Variants in PLCB1 observed in about 807,000 individuals in gnomAD.
PLCB1 encodes the protein 1-phosphatidylinositol 4,5-bisphosphate phosphodiesterase beta-1.
PLCB1 carries 46 observed loss-of-function variants against 161.8 expected under a neutral mutation model. The ratio of observed to expected loss-of-function variants is 0.28; its 90% confidence interval spans 0.22 to 0.36. PLCB1 has a LOEUF of 0.36. Among genes scored for constraint, PLCB1 ranks in the 10% least tolerant of loss-of-function variants. PLCB1 has a pLI of 1.00. For missense variants in PLCB1, 1,016 were observed against 1,472.5 expected, an observed-to-expected ratio of 0.69 and a Z score of 5.07; for synonymous variants, 517 against 503.7, an observed-to-expected ratio of 1.03 and a Z score of -0.35.
intron 2 of PLCB1, among the ~76,000 whole-genome samples, chr20:8,273,094 C>T (rs1028247869): frequency 1.3e-5 from 2 of 152,090 alleles, no homozygotes; most frequent in African/African-American, 2.4e-5. Context: ...TAAGAGACAG[C>T]AATAATGAAC....
intron 2 of PLCB1, among the ~76,000 whole-genome samples, chr20:8,292,410 T>A (rs953220881): frequency 2.0e-5 from 3 of 152,160 alleles, no homozygotes; most frequent in African/African-American, 7.2e-5. Flanking sequence ...TCTCAAGAAG[T>A]AGAAGGCCTG....
At chr20:8,622,547 T>G (rs1366471206) in intron 3 of PLCB1, among the ~76,000 whole-genome samples, 2 of 152,150 alleles carry the variant, frequency 1.3e-5, no homozygotes, top group Non-Finnish European at 2.9e-5. Context: ...ACTGAACAGA[T>G]AAATGCTGCA....
At chr20:8,831,952 T>G (rs796159393) in intron 31 of PLCB1, among the ~76,000 whole-genome samples, 11 of 81,856 alleles carry the variant, frequency 1.3e-4, no homozygotes, top group African/African-American at 3.7e-4. Context: ...CTTTCTTTCT[T>G]TCTTTCTTTC....
chr20:8,871,351 C>T (rs751478998), intron 31 of PLCB1, among the ~76,000 whole-genome samples: 17 of 152,116 alleles, frequency 1.1e-4, no homozygotes, highest in Middle Eastern at 3.2e-3. Flanking sequence ...ATTGTATGTC[C>T]AATGGAGGAA....
At chr20:8,605,981 G>T (rs769612495) in intron 3 of PLCB1, among the ~76,000 whole-genome samples, 4 of 152,086 alleles carry the variant, frequency 2.6e-5, no homozygotes, top group Non-Finnish European at 4.4e-5. Flanking sequence ...CACAAGACAT[G>T]ATTTCATTCT....
At chr20:8,375,507 T>C (rs975477243) in intron 3 of PLCB1, among the ~76,000 whole-genome samples, 2 of 152,192 alleles carry the variant, frequency 1.3e-5, no homozygotes, top group African/African-American at 4.8e-5. Context: ...TTTGAAACTT[T>C]TTTCATGTAT....
chr20:8,511,750 A>G (rs575621290), intron 3 of PLCB1, among the ~76,000 whole-genome samples: 1 of 152,204 alleles, frequency 6.6e-6, no homozygotes, highest in Admixed American at 6.5e-5. Flanking sequence ...CTGTTGTTTT[A>G]ATTTTAATTT....
At chr20:8,745,628 T>C (rs1981132192) in intron 23 of PLCB1, among the ~76,000 whole-genome samples, 1 of 151,862 alleles carries the variant, frequency 6.6e-6, no homozygotes, top group African/African-American at 2.4e-5. Context: ...ATAATATATG[T>C]ATAATATTTA....
chr20:8,376,340 T>C lies in PLCB1; in HGVS notation c.246+4890T>C, dbSNP rs546349858. On this transcript the variant is annotated intron_variant, in intron 3 of 31. Transcript: ENST00000338037. ...GGCCGCAATTAAATTCTAGGTTGTA[T>C]GTAGTATCACCAGAATCACATAAGG... is the stretch of plus-strand genomic sequence containing the variant. Among the ~76,000 whole-genome samples, 3 of 152,366 alleles carry C rather than the reference T, an allele frequency of 2.0e-5. No homozygotes were observed. The East Asian group carries it at 5.8e-4, about 29-fold the overall frequency.
intron 2 of PLCB1, among the ~76,000 whole-genome samples, chr20:8,238,448 A>G (rs1980435154): frequency 6.6e-6 from 1 of 151,976 alleles, no homozygotes; most frequent in Non-Finnish European, 1.5e-5. Flanking sequence ...ATCTGAAGTT[A>G]AGCTCCAGGG....
At chr20:8,520,329 A>G (rs1984300667) in intron 3 of PLCB1, among the ~76,000 whole-genome samples, 1 of 152,306 alleles carries the variant, frequency 6.6e-6, no homozygotes, top group South Asian at 2.1e-4. Flanking sequence ...TAGACATATT[A>G]TATTTGTAAT....
Position 8,132,647 on chromosome 20 carries a change from C to G in PLCB1, c.-5C>G. 6.2e-7 allele frequency: 1 copy of G among 1,607,828 alleles called. No homozygotes were observed. Among genetic ancestry groups the G allele is most frequent in the Non-Finnish European group, 8.5e-7 (1 of 1,176,438 alleles). On this transcript the variant is annotated 5_prime_UTR_variant, in exon 1 of 32. Transcript: ENST00000338037. The surrounding 1 kb of genome is among the most constrained non-coding windows in gnomAD (Gnocchi z 5.2). Reference sequence around the variant, plus strand: ...CCGGGCCGCCCGGAGCCCAGATGAGCCCAGATGGCCGGGGCTCAACCCGGA... The same window carrying G: ...CCGGGCCGCCCGGAGCCCAGATGAGGCCAGATGGCCGGGGCTCAACCCGGA...
At chr20:8,347,909 T>C (rs1986047418) in intron 2 of PLCB1, among the ~76,000 whole-genome samples, 1 of 151,886 alleles carries the variant, frequency 6.6e-6, no homozygotes, top group Admixed American at 6.6e-5. Flanking sequence ...GAGGTGGAGC[T>C]TGCAGTGAGC....
intron 2 of PLCB1, among the ~76,000 whole-genome samples, chr20:8,286,132 C>T (rs2123293073): frequency 6.6e-6 from 1 of 152,322 alleles, no homozygotes; most frequent in East Asian, 1.9e-4. Context: ...CGAGACCAGC[C>T]TGGCCAGCAT....
chr20:8,475,020 C>G (rs1600094817), intron 3 of PLCB1, among the ~76,000 whole-genome samples: 1 of 151,636 alleles, frequency 6.6e-6, no homozygotes, highest in East Asian at 1.9e-4. Flanking sequence ...GACACACACA[C>G]ACACACACAC....
At position 8,605,145 on chromosome 20, in the gene PLCB1, C is replaced by G. The variant is rs1274610644; in HGVS notation, c.247-23149C>G. 3.3e-5 allele frequency among the ~76,000 whole-genome samples: 5 copies of G among 152,014 alleles called. No individual in the cohort carries two copies. The South Asian group carries it at 6.2e-4, about 19-fold the overall frequency. On this transcript the variant is annotated intron_variant, in intron 3 of 31. Coordinates refer to ENST00000338037, the MANE Select transcript of PLCB1 (RefSeq NM_015192.4). ...GTAAAATACATTAAAAAAACAATTTCCCTTACTCTCAGAACTGAGAAGTAA... is the reference window on the plus strand; with the variant it reads ...GTAAAATACATTAAAAAAACAATTTGCCTTACTCTCAGAACTGAGAAGTAA...
At chr20:8,217,617 A>T (rs1048867897) in intron 2 of PLCB1, among the ~76,000 whole-genome samples, 4 of 152,160 alleles carry the variant, frequency 2.6e-5, no homozygotes, top group African/African-American at 7.2e-5. Flanking sequence ...CAGTAGGATG[A>T]TGCATAGAGC....
At chr20:8,298,809 A>G (rs1367889524) in intron 2 of PLCB1, among the ~76,000 whole-genome samples, 1 of 152,200 alleles carries the variant, frequency 6.6e-6, no homozygotes, top group Non-Finnish European at 1.5e-5. Flanking sequence ...TACATAGCAC[A>G]CAGGAATTCA....
At chr20:8,217,070 C>A (rs546988445) in intron 2 of PLCB1, among the ~76,000 whole-genome samples, 1 of 152,090 alleles carries the variant, frequency 6.6e-6, no homozygotes, top group South Asian at 2.1e-4. Flanking sequence ...TGTGATGAAG[C>A]CTTTGTCCAC....
Sources: allele counts gnomAD v4.1 joint callset (sites outside exome capture counted in the v4.1 genomes callset), GRCh38; gene constraint gnomAD v4.1.1; non-coding constraint Gnocchi (gnomAD v3.1); transcripts MANE v1.5; gene names NCBI Gene and HGNC (gene_info 2026-07-23, HGNC 2026-07-21).